Variants in GRIP1 observed in about 807,000 individuals in gnomAD.
GRIP1 encodes glutamate receptor interacting protein 1, also known as glutamate receptor-interacting protein 1.
A neutral mutation model predicts 129.9 loss-of-function variants in GRIP1; 45 were observed. That is an observed-to-expected ratio of 0.35 (90% CI 0.27 to 0.44). The LOEUF (loss-of-function observed/expected upper bound fraction) is 0.44. GRIP1 is among the 20% of genes least tolerant of loss of function. The pLI, the probability that GRIP1 is intolerant of heterozygous loss-of-function variation, is 1.00. For synonymous variants in GRIP1, 530 were observed against 520.8 expected, an observed-to-expected ratio of 1.02 and a Z score of -0.24; for missense variants, 1,196 against 1,396.8, an observed-to-expected ratio of 0.86 and a Z score of 2.29.
chr12:66,949,760 CTTTTTTTTTTTT>C (rs781123585), intron 1 of GRIP1, among the ~76,000 whole-genome samples: 136 of 85,478 alleles, frequency 1.6e-3, no homozygotes, highest in African/African-American at 5.9e-3. Flanking sequence ...CATGCTCCTC[CTTTTTTTTTTTT>C]TTTTTTTTTT....
chr12:67,025,309 C>T (rs2042925947), intron 1 of GRIP1, among the ~76,000 whole-genome samples: 1 of 152,106 alleles, frequency 6.6e-6, no homozygotes. Context: ...CCACTGCACT[C>T]CAGCCTGGGT....
chr12:66,991,116 C>CA (rs1362976917), intron 1 of GRIP1, among the ~76,000 whole-genome samples: 2 of 151,524 alleles, frequency 1.3e-5, no homozygotes, highest in African/African-American at 4.9e-5. Flanking sequence ...ACTAAAAATA[C>CA]AAAAAAATTA....
chr12:66,598,576 T>C (rs1663630840), intron 1 of GRIP1, among the ~76,000 whole-genome samples: 1 of 152,214 alleles, frequency 6.6e-6, no homozygotes, highest in Admixed American at 6.5e-5. Flanking sequence ...GCCTCACCAT[T>C]GTCACTTGAA....
intron 1 of GRIP1, among the ~76,000 whole-genome samples, chr12:66,956,440 G>A (rs1453077491): frequency 6.6e-6 from 1 of 152,084 alleles, no homozygotes; most frequent in African/African-American, 2.4e-5. Context: ...TTGATCAGCT[G>A]GTTAAGGTGG....
At chr12:66,785,331 C>CATATATATATATAT (rs1180271589) in intron 1 of GRIP1, among the ~76,000 whole-genome samples, 38 of 35,034 alleles carry the variant, frequency 1.1e-3, no homozygotes, top group African/African-American at 2.8e-3. Flanking sequence ...TACATACATA[C>CATATATATATATAT]ATACATACAT....
chr12:66,932,297 T>C (rs1442523017), intron 1 of GRIP1, among the ~76,000 whole-genome samples: 1 of 152,208 alleles, frequency 6.6e-6, no homozygotes, highest in Non-Finnish European at 1.5e-5. Context: ...ACCACAGACA[T>C]TCATCCCATT....
upstream of GRIP1, among the ~76,000 whole-genome samples, chr12:66,806,341 T>G (rs2061943): frequency 0.13 from 20,307 of 152,198 alleles, 1,564 homozygotes; most frequent in African/African-American, 0.2. Flanking sequence ...TTCTTTTCTA[T>G]GTAAATTTTC....
intron 1 of GRIP1, among the ~76,000 whole-genome samples, chr12:67,059,778 T>C (rs751750553): frequency 2.0e-5 from 3 of 152,228 alleles, no homozygotes; most frequent in Non-Finnish European, 4.4e-5. Flanking sequence ...ACCCCAGCTA[T>C]ATAAGTATAC....
chr12:66,931,259 A>G (rs1032706595), intron 1 of GRIP1, among the ~76,000 whole-genome samples: 2 of 152,262 alleles, frequency 1.3e-5, no homozygotes, highest in Non-Finnish European at 2.9e-5. Flanking sequence ...TGTCACAGGG[A>G]TGCCCTGAGG....
intron 1 of GRIP1, among the ~76,000 whole-genome samples, chr12:66,870,323 A>C (rs527461256): frequency 6.6e-6 from 1 of 152,192 alleles, no homozygotes; most frequent in Non-Finnish European, 1.5e-5. Flanking sequence ...TAGAATGAAA[A>C]TTTGTGAATT....
In GRIP1 at chr12:67,010,827, G is replaced by A. The variant is rs984697538; in HGVS notation, c.58+58223C>T. Among the ~76,000 whole-genome samples, 4 of 151,850 alleles carry A rather than the reference G, an allele frequency of 2.6e-5. No homozygotes were observed. The East Asian group carries it at 5.8e-4, about 22-fold the overall frequency. ...CCTGAAACACTGTCTCCCCCCCAGC[G>A]CAGGAACACCCAACTCTCCTAGGTT... is the stretch of plus-strand genomic sequence containing the variant. On this transcript the variant is annotated intron_variant, in intron 1 of 1. Transcript: ENST00000643019.
At chr12:66,682,323 T>G (rs1592738882), upstream of GRIP1, among the ~76,000 whole-genome samples, 1 of 152,094 alleles carries the variant, frequency 6.6e-6, no homozygotes, top group East Asian at 1.9e-4. Flanking sequence ...TACCGTCTGG[T>G]GAAAGACCAT....
At chr12:66,664,933 T>G (rs947332662) in intron 1 of GRIP1, among the ~76,000 whole-genome samples, 12 of 152,210 alleles carry the variant, frequency 7.9e-5, no homozygotes. Context: ...ATAGGAATTT[T>G]TTTTTCTTTT....
At chr12:66,601,409 C>T (rs1480475184) in intron 1 of GRIP1, among the ~76,000 whole-genome samples, 2 of 152,192 alleles carry the variant, frequency 1.3e-5, no homozygotes, top group Non-Finnish European at 2.9e-5. Flanking sequence ...TATCAAACAG[C>T]ATCCTTGTGT....
At chr12:66,654,173 A>C (rs11833708) in intron 1 of GRIP1, among the ~76,000 whole-genome samples, 2 of 152,186 alleles carry the variant, frequency 1.3e-5, no homozygotes, top group Non-Finnish European at 2.9e-5. Flanking sequence ...AGCAGTGATA[A>C]GGGAGACAAC....
At chr12:66,794,101 C>T (rs371792600) in intron 1 of GRIP1, among the ~76,000 whole-genome samples, 3 of 152,152 alleles carry the variant, frequency 2.0e-5, no homozygotes, top group East Asian at 3.8e-4. Context: ...CTCAAAACAT[C>T]TGTTGCAGGA....
chr12:66,987,305 A>G (rs1237785184), intron 1 of GRIP1, among the ~76,000 whole-genome samples: 6 of 152,252 alleles, frequency 3.9e-5, no homozygotes, highest in Admixed American at 1.3e-4. Context: ...ATACTCAACC[A>G]GTACTTGTTG....
Position 66,347,531 on chromosome 12 carries a change from T to G in GRIP1, c.*1488A>C, listed in dbSNP as rs1390671879. The G allele has an allele frequency of 6.6e-6, 1 of 152,188 alleles. No individual in the cohort carries two copies. Among genetic ancestry groups the G allele is most frequent in the Non-Finnish European group, 1.5e-5 (1 of 68,034 alleles). 9.4% of individuals were successfully genotyped at this position (152,188 alleles called of 1,614,324 possible). On this transcript the variant is annotated 3_prime_UTR_variant, in exon 25 of 25. Coordinates refer to ENST00000359742, the MANE Select transcript of GRIP1 (RefSeq NM_001366722.1). ...TACAAATATTTGAACAATTTTGAAT[T>G]CCCCAAAACCATACATAGACGATAA... is the stretch of plus-strand genomic sequence containing the variant.
chr12:66,588,827 G>A (rs2063738699), intron 2 of GRIP1, among the ~76,000 whole-genome samples: 1 of 149,784 alleles, frequency 6.7e-6, no homozygotes, highest in Non-Finnish European at 1.5e-5. Flanking sequence ...AAATTAGCTG[G>A]GCATGGTGGT....
Sources: gnomAD v4.1 joint callset for allele counts (sites outside exome capture counted in the v4.1 genomes callset) on GRCh38, gnomAD v4.1.1 for gene constraint, MANE v1.5 for transcripts, NCBI Gene and HGNC (gene_info 2026-07-23, HGNC 2026-07-21) for gene names.